The following AOX1 variants were observed in gnomAD, a reference collection of about 807,000 sequenced individuals.
The protein encoded by AOX1 is aldehyde oxidase.
In AOX1, 153 loss-of-function variants were observed where a neutral mutation model predicts 169.5. The ratio of observed to expected loss-of-function variants is 0.90; its 90% CI spans 0.79 to 1.03. The LOEUF is 1.03. Ranked by LOEUF, AOX1 falls within the 50% of genes least tolerant of loss-of-function variation. The pLI is 0.00. For missense variants in AOX1, 1,656 were observed against 1,663.9 expected (o/e 1.00, Z 0.08); for synonymous variants, 562 against 581.9 (o/e 0.97, Z 0.49).
intron 20 of AOX1, among the ~76,000 whole-genome samples, chr2:200,630,210 TAAA>T (rs57410809): frequency 0.065 from 6,130 of 94,910 alleles, 376 homozygotes; most frequent in East Asian, 0.24. Flanking sequence ...TCCTTCTATT[TAAA>T]AAAAAAAAAA....
Position 200,634,922 on chromosome 2 carries a change from TG to T in AOX1, c.2346+11del. The T allele has an allele frequency of 2.5e-5, 40 of 1,613,726 alleles. No homozygotes were observed. Among genetic ancestry groups the T allele is most frequent in the Non-Finnish European group, 3.4e-5 (40 of 1,179,814 alleles). ...GTTTCCCAAATATATACAGGTAACA[TG>T]GGGCCATTGTGGAGAGGACATGGCT... is the stretch of plus-strand genomic sequence containing the variant. On this transcript the variant is annotated splice_region_variant and intron_variant, in intron 21 of 34. Coordinates refer to ENST00000374700, the MANE Select transcript of AOX1 (RefSeq NM_001159.4).
intron 20 of AOX1, among the ~76,000 whole-genome samples, chr2:200,632,809 A>G (rs1215143324): frequency 6.6e-6 from 1 of 151,990 alleles, no homozygotes; most frequent in African/African-American, 2.4e-5. Flanking sequence ...GTATTTTCAC[A>G]CTAGAAAAAT....
intron 2 of AOX1, among the ~76,000 whole-genome samples, chr2:200,594,562 T>A (rs2034240134): frequency 6.6e-6 from 1 of 152,200 alleles, no homozygotes; most frequent in Non-Finnish European, 1.5e-5. Flanking sequence ...AGCCCTCATA[T>A]CTGAATTCCA....
chr2:200,653,503 G>A (rs2035621273), intron 26 of AOX1, among the ~76,000 whole-genome samples: 1 of 152,178 alleles, frequency 6.6e-6, no homozygotes, highest in Non-Finnish European at 1.5e-5. Flanking sequence ...CACAGAAGGG[G>A]AAACTGAAGC....
At chr2:200,659,589 C>T (rs2035771943) in intron 28 of AOX1, among the ~76,000 whole-genome samples, 1 of 152,170 alleles carries the variant, frequency 6.6e-6, no homozygotes, top group South Asian at 2.1e-4. Context: ...CGCGCCTCTC[C>T]CCAGGGCCGA....
At chr2:200,616,171 C>T in intron 16 of AOX1, 108 bp downstream of exon 16, 1 of 765,608 alleles carries the variant, frequency 1.3e-6, no homozygotes. Flanking sequence ...AGTCCAAGCT[C>T]CACTTCTGGT....
Position 200,613,809 on chromosome 2 carries a change from G to A in AOX1, c.1454G>A (p.Trp485Ter). 1 of 1,611,908 alleles carries A rather than the reference G, an allele frequency of 6.2e-7. No homozygotes were observed. Among genetic ancestry groups the A allele is most frequent in the Non-Finnish European group, 8.5e-7 (1 of 1,179,550 alleles). ...CTTCTCTTTGGACTTTCCAGGCACT[G>A]GAACGAACAGATGCTGGATATAGCC... The part of the protein sequence containing the change: ...NSCQKLIGRH[W>*]NEQMLDIACR... Residue 485 changes from tryptophan to a stop codon, truncating the protein, a stop_gained, in exon 15 of 35, where the codon TGG becomes TAG. Transcript: ENST00000374700. LOFTEE classifies it high-confidence loss of function.
intron 8 of AOX1, 152 bp downstream of exon 8, chr2:200,604,249 G>A: frequency 1.6e-6 from 1 of 640,406 alleles, no homozygotes; most frequent in Non-Finnish European, 2.7e-6. Flanking sequence ...ATGGACTAAG[G>A]AAGAGGAGGA....
Position 200,586,067 on chromosome 2 carries a change from C to G in AOX1, c.-42C>G. On this transcript the variant is annotated 5_prime_UTR_variant, in exon 1 of 35. Coordinates refer to ENST00000374700, the MANE Select transcript of AOX1 (RefSeq NM_001159.4). ...AGGTGCCCGCTACTTCCCAGAACCTCCGCCTCCCGCTCCGGGCCCTCGAAC... is the reference window on the plus strand; with the variant it reads ...AGGTGCCCGCTACTTCCCAGAACCTGCGCCTCCCGCTCCGGGCCCTCGAAC... 6.5e-7 allele frequency: 1 copy of G among 1,547,388 alleles called. No homozygotes were observed. The highest frequency in any genetic ancestry group is 1.2e-5 in the South Asian group (1 of 83,936).
chr2:200,641,535 G>A (rs78561515), intron 24 of AOX1, among the ~76,000 whole-genome samples: 4,693 of 152,028 alleles, frequency 0.031, 230 homozygotes, highest in African/African-American at 0.1. Context: ...TACTTAGTAG[G>A]TGTCAGTGGC....
chr2:200,602,392 C>A, intron 6 of AOX1, 47 bp downstream of exon 6: 1 of 1,543,876 alleles, frequency 6.5e-7, no homozygotes, highest in Non-Finnish European at 8.9e-7. Context: ...CCCAGTGAAA[C>A]GAAATGGTAA....
At chr2:200,627,734 A>G (rs1178047724) in intron 20 of AOX1, among the ~76,000 whole-genome samples, 2 of 152,172 alleles carry the variant, frequency 1.3e-5, no homozygotes, top group East Asian at 3.9e-4. Context: ...TCCTGTTCAC[A>G]ACCACCCTGC....
chr2:200,650,232 G>A (rs2035553666), intron 25 of AOX1, among the ~76,000 whole-genome samples: 1 of 152,178 alleles, frequency 6.6e-6, no homozygotes, highest in African/African-American at 2.4e-5. Context: ...GCAGGGAACA[G>A]CCTCTTAAAA....
At chr2:200,673,078 A>G (rs2036050494), downstream of AOX1, among the ~76,000 whole-genome samples, 1 of 152,164 alleles carries the variant, frequency 6.6e-6, no homozygotes, top group African/African-American at 2.4e-5. Flanking sequence ...TGCTGTGCTG[A>G]TGCAGGTCGT....
chr2:200,598,102 G>A (rs1249062792), intron 4 of AOX1, among the ~76,000 whole-genome samples: 1 of 151,598 alleles, frequency 6.6e-6, no homozygotes. Flanking sequence ...GTGAGACCCT[G>A]TTGTAAGAAA....
In AOX1 at chr2:200,613,681, C is replaced by A. The variant is rs1420661838; in HGVS notation, c.1449-123C>A. The A allele has an allele frequency of 4.1e-6, 4 of 965,670 alleles. No individual in the cohort carries two copies. In the African/African-American group the frequency reaches 5.0e-5, roughly 12 times the overall value. The allele number at this position is 965,670 out of a possible 1,614,324, so 59.8% of individuals were successfully genotyped here. On this transcript the variant is annotated intron_variant, in intron 14 of 34. Coordinates refer to ENST00000374700, the MANE Select transcript of AOX1 (RefSeq NM_001159.4). ...GGTGGGCCAATTTGAACTCGGGCTG[C>A]CTGATCCAGAGCTTGTACTCTTATT...
chr2:200,609,497 G>A, intron 12 of AOX1, 83 bp downstream of exon 12: 1 of 1,183,780 alleles, frequency 8.4e-7, no homozygotes, highest in Non-Finnish European at 1.2e-6. Flanking sequence ...ATCCAGTCTT[G>A]AAAATGACTT....
At position 200,620,833 on chromosome 2, in the gene AOX1, T is replaced by G; in HGVS notation, c.1874+14T>G. 1 of 1,588,870 alleles carries G rather than the reference T, an allele frequency of 6.3e-7. No homozygotes were observed. The highest frequency in any genetic ancestry group is 8.5e-7 in the Non-Finnish European group (1 of 1,173,470). ...TGCTAAGATTGTGTAAGTGGTAAAA[T>G]TCTTACTCAATGGGCATAAATGATT... On this transcript the variant is annotated intron_variant, in intron 17 of 34. Coordinates refer to ENST00000374700, the MANE Select transcript of AOX1 (RefSeq NM_001159.4).
chr2:200,672,290 T>C (rs1418821623), downstream of AOX1, among the ~76,000 whole-genome samples: 1 of 152,260 alleles, frequency 6.6e-6, no homozygotes, highest in Admixed American at 6.5e-5. Flanking sequence ...ATGTGAATTA[T>C]ACCTCAATTT....
Sources: allele counts gnomAD v4.1 joint callset (sites outside exome capture counted in the v4.1 genomes callset), GRCh38; gene constraint gnomAD v4.1.1; transcripts MANE v1.5; gene names NCBI Gene and HGNC (gene_info 2026-07-23, HGNC 2026-07-21).